The following COBL variants were observed in gnomAD, a reference collection of about 807,000 sequenced individuals.
The protein encoded by COBL is cordon-bleu WH2 repeat protein, also known as protein cordon-bleu.
COBL carries 51 observed loss-of-function variants against 98.8 expected under a neutral mutation model. That is an observed-to-expected ratio of 0.52 (90% CI 0.41 to 0.65). The LOEUF (loss-of-function observed/expected upper bound fraction) is 0.65, where lower values mean the gene tolerates loss of function less well. Ranked by LOEUF, COBL falls within the 30% of genes least tolerant of loss-of-function variation. The pLI, the probability that COBL is intolerant of heterozygous loss-of-function variation, is 0.00. For missense variants in COBL, 1,617 were observed against 1,617.5 expected, an observed-to-expected ratio of 1.00 and a Z score of 0.01; for synonymous variants, 634 against 651.7, an observed-to-expected ratio of 0.97 and a Z score of 0.41.
At chr7:51,074,191 A>ATTTTTTTTTTTTTTT (rs369421469) in intron 7 of COBL, among the ~76,000 whole-genome samples, 1 of 100,496 alleles carries the variant, frequency 1.0e-5, no homozygotes, top group Non-Finnish European at 1.8e-5. Flanking sequence ...CAAGGTAATG[A>ATTTTTTTTTTTTTTT]TTTTTTTTTT....
chr7:51,165,334 T>C (rs1787202991), intron 5 of COBL, among the ~76,000 whole-genome samples: 1 of 151,846 alleles, frequency 6.6e-6, no homozygotes, highest in Middle Eastern at 3.2e-3. Flanking sequence ...TTAGACAAAA[T>C]AGATTTCAAG....
chr7:51,212,485 T>C (rs1477020756), intron 2 of COBL, among the ~76,000 whole-genome samples: 7 of 152,202 alleles, frequency 4.6e-5, no homozygotes, highest in Admixed American at 1.3e-4. Flanking sequence ...CCTTCTCTAA[T>C]TGAGGGGACT....
chr7:51,047,397 G>C (rs2128893264), intron 7 of COBL, among the ~76,000 whole-genome samples: 1 of 152,182 alleles, frequency 6.6e-6, no homozygotes, highest in South Asian at 2.1e-4. Flanking sequence ...CAAGTATAAA[G>C]AAGAAAATGC....
chr7:51,266,674 A>G (rs1007876315), intron 1 of COBL, among the ~76,000 whole-genome samples: 1 of 152,218 alleles, frequency 6.6e-6, no homozygotes, highest in Non-Finnish European at 1.5e-5. Flanking sequence ...TTCTACACAA[A>G]TAACATGGCA....
intron 2 of COBL, among the ~76,000 whole-genome samples, chr7:51,204,608 T>C (rs1266168305): frequency 6.7e-6 from 1 of 149,080 alleles, no homozygotes; most frequent in Non-Finnish European, 1.5e-5. Context: ...CTGGAGTGCA[T>C]GGTGCTATCT....
intron 1 of COBL, among the ~76,000 whole-genome samples, chr7:51,244,832 C>T (rs959015511): frequency 1.3e-5 from 2 of 152,200 alleles, no homozygotes; most frequent in Non-Finnish European, 2.9e-5. Context: ...CTGGGCTCCA[C>T]CTTCACCACG....
intron 1 of COBL, chr7:51,259,723 C>A: frequency 2.7e-6 from 2 of 740,894 alleles, no homozygotes; most frequent in Non-Finnish European, 2.5e-6. Flanking sequence ...AAATGAGTTC[C>A]CAGGCAGACT....
chr7:51,301,559 G>A (rs1042853498), intron 1 of COBL, among the ~76,000 whole-genome samples: 3 of 152,144 alleles, frequency 2.0e-5, no homozygotes, highest in South Asian at 2.1e-4. Flanking sequence ...TCTTTCCTCC[G>A]GGACTTCCCT....
chr7:51,287,437 T>G (rs1459701147), intron 1 of COBL, among the ~76,000 whole-genome samples: 1 of 152,190 alleles, frequency 6.6e-6, no homozygotes, highest in Non-Finnish European at 1.5e-5. Flanking sequence ...GATGTAATAC[T>G]AATATATAAG....
chr7:51,259,899 C>A, intron 1 of COBL: 1 of 756,184 alleles, frequency 1.3e-6, no homozygotes, highest in East Asian at 2.4e-5. Context: ...TCAATGCGTA[C>A]AATAAAGGCC....
At chr7:51,308,371 G>C (rs1231903162) in intron 1 of COBL, among the ~76,000 whole-genome samples, 1 of 152,054 alleles carries the variant, frequency 6.6e-6, no homozygotes, top group East Asian at 1.9e-4. Context: ...GCCAAGTGCT[G>C]GAAGTTAGCT....
intron 2 of COBL, among the ~76,000 whole-genome samples, chr7:51,210,089 C>T (rs1224153165): frequency 6.6e-6 from 1 of 152,170 alleles, no homozygotes; most frequent in East Asian, 1.9e-4. Context: ...CCCAAATCTC[C>T]ACCTTGTGTG....
At chr7:51,259,542 T>C in intron 1 of COBL, 1 of 695,204 alleles carries the variant, frequency 1.4e-6, no homozygotes, top group East Asian at 2.7e-5. Context: ...CACTGAGAAG[T>C]GGAAAGGGCG....
chr7:51,178,716 C>A (rs1173707950), intron 5 of COBL, among the ~76,000 whole-genome samples: 1 of 152,060 alleles, frequency 6.6e-6, no homozygotes, highest in South Asian at 2.1e-4. Context: ...TCAACCTAGT[C>A]TCCTGCCTCA....
At chr7:51,268,161 T>A (rs1277543314) in intron 1 of COBL, among the ~76,000 whole-genome samples, 5 of 152,170 alleles carry the variant, frequency 3.3e-5, no homozygotes, top group African/African-American at 1.2e-4. Flanking sequence ...CCACTCTCAA[T>A]AAAGAAATCT....
chr7:51,168,883 T>A (rs1243634080), intron 5 of COBL, among the ~76,000 whole-genome samples: 3 of 152,160 alleles, frequency 2.0e-5, no homozygotes, highest in Non-Finnish European at 4.4e-5. Context: ...GATGAATGGA[T>A]AAAGAAAATG....
At chr7:51,212,707 T>C (rs886188281) in intron 2 of COBL, among the ~76,000 whole-genome samples, 3 of 152,196 alleles carry the variant, frequency 2.0e-5, no homozygotes, top group Non-Finnish European at 2.9e-5. Context: ...ATCCCTGACA[T>C]CTAGCAGAGC....
intron 7 of COBL, 34 bp from the exon 8 acceptor site, chr7:51,043,726 A>T: frequency 1.3e-6 from 2 of 1,583,544 alleles, no homozygotes; most frequent in Non-Finnish European, 1.7e-6. Flanking sequence ...GGTCAGCCCA[A>T]ACCACTCTGG....
intron 6 of COBL, among the ~76,000 whole-genome samples, chr7:51,113,693 C>A (rs1235717770): frequency 1.3e-5 from 2 of 152,128 alleles, no homozygotes; most frequent in Non-Finnish European, 2.9e-5. Flanking sequence ...CAGTCCTTTT[C>A]AATATTATTT....
Sources: allele counts gnomAD v4.1 joint callset (sites outside exome capture counted in the v4.1 genomes callset), GRCh38; gene constraint gnomAD v4.1.1; transcripts MANE v1.5; gene names NCBI Gene and HGNC (gene_info 2026-07-23, HGNC 2026-07-21).